The following TALDO1 variants were observed in gnomAD, a reference collection of about 807,000 sequenced individuals.
The protein encoded by TALDO1 is transaldolase.
In TALDO1, 29 loss-of-function variants were observed where a neutral mutation model predicts 38.1. That is an observed-to-expected ratio of 0.76 (90% CI 0.57 to 1.04). The LOEUF is 1.04. Ranked by LOEUF, TALDO1 falls within the 50% of genes least tolerant of loss-of-function variation. The pLI is 0.00. For synonymous variants in TALDO1, 207 were observed against 176.8 expected, an observed-to-expected ratio of 1.17 and a Z score of -1.36; for missense variants, 499 against 438.1, an observed-to-expected ratio of 1.14 and a Z score of -1.24.
intron 1 of TALDO1, among the ~76,000 whole-genome samples, chr11:753,995 T>A (rs1862792769): frequency 6.6e-6 from 1 of 151,784 alleles, no homozygotes; most frequent in Non-Finnish European, 1.5e-5. Context: ...ACTTTTTTAT[T>A]TTTTTTTGCA....
chr11:755,531 G>C (rs191606932), intron 1 of TALDO1, among the ~76,000 whole-genome samples: 2 of 152,250 alleles, frequency 1.3e-5, no homozygotes, highest in African/African-American at 4.8e-5. Flanking sequence ...CTCATGACTA[G>C]ACCGCGCGCC....
rs1025695642 is a variant in TALDO1, at chr11:763,450, G to A, written c.568G>A (p.Val190Ile). The A allele has an allele frequency of 1.9e-6, 3 of 1,613,442 alleles. No homozygotes were observed. Among genetic ancestry groups the A allele is most frequent in the African/African-American group, 2.7e-5 (2 of 74,664 alleles). The change falls in exon 5 of 8, where the codon GTT becomes ATT. Residue 190 changes from valine (V) to isoleucine (I), a missense_variant. By Grantham distance (29) the Val-to-Ile change is conservative. Coordinates refer to ENST00000319006, the MANE Select transcript of TALDO1 (RefSeq NM_006755.2). ...EAGVTLISPF[V>I]GRILDWHVAN... is the part of the protein sequence containing the mutation. ...GGGTGTGACCCTCATCTCCCCATTT[G>A]TTGGGCGCATCCTTGATTGGCATGT...
chr11:760,532 G>T, intron 4 of TALDO1: 13 of 446,770 alleles, frequency 2.9e-5, no homozygotes, highest in South Asian at 2.7e-4. Context: ...AGCACCTGCA[G>T]ATTCAGATTC....
Position 763,442 on chromosome 11 carries a change from C to T in TALDO1, c.560C>T (p.Ser187Phe). The T allele has an allele frequency of 6.2e-7, 1 of 1,613,676 alleles. No homozygotes were observed. Among genetic ancestry groups the T allele is most frequent in the South Asian group, 1.1e-5 (1 of 91,050 alleles). ...ACAEAGVTLI[S>F]PFVGRILDWH... ...GCCGAGGCGGGTGTGACCCTCATCT[C>T]CCCATTTGTTGGGCGCATCCTTGAT... is the stretch of plus-strand genomic sequence containing the variant. The change falls in exon 5 of 8, where the codon TCC (serine) becomes TTC (phenylalanine). Residue 187 changes from serine to phenylalanine, a missense_variant. Transcript: ENST00000319006.
At chr11:754,399 G>A (rs1188545904) in intron 1 of TALDO1, among the ~76,000 whole-genome samples, 1 of 152,160 alleles carries the variant, frequency 6.6e-6, no homozygotes, top group South Asian at 2.1e-4. Context: ...TGTCCACTCC[G>A]ACTAAAAGGA....
At chr11:764,183 C>A in intron 6 of TALDO1, 105 bp from the exon 7 acceptor site, 2 of 1,592,688 alleles carry the variant, frequency 1.3e-6, no homozygotes, top group Non-Finnish European at 1.7e-6. Context: ...CAAGGCCTGG[C>A]CCTGGTGGGA....
intron 2 of TALDO1, among the ~76,000 whole-genome samples, chr11:758,127 C>G (rs1268523254): frequency 6.6e-6 from 1 of 152,118 alleles, no homozygotes; most frequent in Non-Finnish European, 1.5e-5. Flanking sequence ...ACCAAAAATA[C>G]AAAAAAATTA....
intron 2 of TALDO1, chr11:756,296 G>A: frequency 4.5e-6 from 2 of 440,208 alleles, no homozygotes; most frequent in Admixed American, 3.6e-5. Flanking sequence ...CCCTCCTGTA[G>A]TCAGTCTCCC....
At chr11:749,401 CA>C (rs374829411) in intron 1 of TALDO1, among the ~76,000 whole-genome samples, 1,861 of 110,766 alleles carry the variant, frequency 0.017, 34 homozygotes, top group African/African-American at 0.059. Flanking sequence ...AACTCCGTCT[CA>C]AAAAAAAAAA....
In TALDO1 at chr11:760,325, A is replaced by T; in HGVS notation, c.461+72A>T. ...GTTGGAGCAGGGTCTACATGGCATC[A>T]GGCAAGTTTGACTCTCTCAGCCCTG... is the stretch of plus-strand genomic sequence containing the variant. On this transcript the variant is annotated intron_variant, in intron 4 of 7. Coordinates refer to ENST00000319006, the MANE Select transcript of TALDO1 (RefSeq NM_006755.2). The T allele has an allele frequency of 5.0e-6, 8 of 1,599,244 alleles. No homozygotes were observed. In the East Asian group the frequency reaches 1.8e-4, roughly 36 times the overall value.
chr11:749,793 A>T (rs1862721409), intron 1 of TALDO1, among the ~76,000 whole-genome samples: 1 of 152,250 alleles, frequency 6.6e-6, no homozygotes, highest in South Asian at 2.1e-4. Flanking sequence ...GGCTGTTTTC[A>T]GTGCCTCATT....
At chr11:762,399 C>T (rs1376747534) in intron 4 of TALDO1, among the ~76,000 whole-genome samples, 1 of 152,170 alleles carries the variant, frequency 6.6e-6, no homozygotes, top group African/African-American at 2.4e-5. Flanking sequence ...TTCCATTTCT[C>T]GGGCTGTGAT....
chr11:751,408 C>G (rs1360088220), intron 1 of TALDO1, among the ~76,000 whole-genome samples: 1 of 152,048 alleles, frequency 6.6e-6, no homozygotes, highest in African/African-American at 2.4e-5. Flanking sequence ...GTGGCTCATG[C>G]GTATAATCCC....
At chr11:754,141 C>A (rs1048197001) in intron 1 of TALDO1, among the ~76,000 whole-genome samples, 1 of 151,882 alleles carries the variant, frequency 6.6e-6, no homozygotes, top group Non-Finnish European at 1.5e-5. Context: ...TGCACCACCA[C>A]GCCTGGCTAA....
chr11:753,646 C>T (rs1192373533), intron 1 of TALDO1, among the ~76,000 whole-genome samples: 6 of 151,888 alleles, frequency 4.0e-5, no homozygotes, highest in Admixed American at 3.9e-4. Flanking sequence ...ATTACTTGAA[C>T]CTGGGAGTTG....
intron 1 of TALDO1, among the ~76,000 whole-genome samples, chr11:753,529 T>C (rs2133571272): frequency 6.7e-6 from 1 of 149,064 alleles, no homozygotes; most frequent in African/African-American, 2.5e-5. Flanking sequence ...AGACTCCGTC[T>C]CAAAAAAATA....
chr11:760,360 A>C, intron 4 of TALDO1, 107 bp downstream of exon 4: 4 of 1,540,370 alleles, frequency 2.6e-6, no homozygotes, highest in Non-Finnish European at 3.5e-6. Context: ...GGGGAATGCC[A>C]GACTGGGGAG....
chr11:749,131 G>A (rs935775678), intron 1 of TALDO1, among the ~76,000 whole-genome samples: 5 of 152,160 alleles, frequency 3.3e-5, no homozygotes, highest in South Asian at 2.1e-4. Flanking sequence ...CTGGCCCAGC[G>A]AGGTGGCTCA....
chr11:758,862 C>T (rs1862886049), intron 2 of TALDO1, 88 bp from the exon 3 acceptor site: 1 of 1,041,718 alleles, frequency 9.6e-7, no homozygotes, highest in Admixed American at 1.8e-5. Flanking sequence ...ACCTCGGCCT[C>T]CCAAAGTGCT....
Sources: allele counts gnomAD v4.1 joint callset (sites outside exome capture counted in the v4.1 genomes callset), GRCh38; gene constraint gnomAD v4.1.1; transcripts MANE v1.5; gene names NCBI Gene and HGNC (gene_info 2026-07-23, HGNC 2026-07-21).